The following ZFP14 variants were observed in gnomAD, a reference collection of about 807,000 sequenced individuals.
The protein encoded by ZFP14 is zinc finger protein 14 homolog.
A neutral mutation model predicts 54.5 loss-of-function variants in ZFP14; 22 were observed. The observed-to-expected ratio is 0.40, with a 90% CI of 0.29 to 0.58. The LOEUF is 0.58. ZFP14 is among the 20% of genes least tolerant of loss of function. ZFP14 has a pLI of 0.39. For missense variants in ZFP14, 470 were observed against 637.8 expected (o/e 0.74, Z 2.83); for synonymous variants, 159 against 204.0 (o/e 0.78, Z 1.88).
chr19:36,356,384 C>T (rs919337433), intron 4 of ZFP14, among the ~76,000 whole-genome samples: 8 of 151,208 alleles, frequency 5.3e-5, no homozygotes, highest in African/African-American at 1.5e-4. Flanking sequence ...GCCGAGATCC[C>T]GCCACTGCAC....
chr19:36,345,123 C>T (rs1414963314), intron 4 of ZFP14, among the ~76,000 whole-genome samples: 2 of 152,108 alleles, frequency 1.3e-5, no homozygotes, highest in South Asian at 2.1e-4. Flanking sequence ...ATTAGCTGAG[C>T]GTTTTGGCAA....
intron 2 of ZFP14, among the ~76,000 whole-genome samples, chr19:36,366,807 T>C (rs1234874118): frequency 6.6e-6 from 1 of 152,118 alleles, no homozygotes; most frequent in Non-Finnish European, 1.5e-5. Context: ...GGTTTGTATA[T>C]TTTTTTGTAT....
chr19:36,346,264 C>T lies in ZFP14; in HGVS notation c.236-4674G>A, dbSNP rs534460885. On this transcript the variant is annotated intron_variant, in intron 4 of 4. Coordinates refer to ENST00000270001, the MANE Select transcript of ZFP14 (RefSeq NM_020917.3). ...TTATGCCACTGCCTGGGTGACAGAG[C>T]GACAACCTGTCTCAAAACAAACAAA... Among the ~76,000 whole-genome samples, 9 of 151,868 alleles carry T rather than the reference C, an allele frequency of 5.9e-5. No homozygotes were observed. In the East Asian group the frequency reaches 1.7e-3, roughly 29 times the overall value.
intron 4 of ZFP14, among the ~76,000 whole-genome samples, chr19:36,347,724 A>G (rs2031444321): frequency 3.9e-5 from 6 of 152,178 alleles, no homozygotes; most frequent in Admixed American, 3.9e-4. Flanking sequence ...AGTGGCCCAG[A>G]ACATTTTATA....
chr19:36,378,485 T>A (rs1342234505), intron 1 of ZFP14: 1 of 151,330 alleles, frequency 6.6e-6, no homozygotes, highest in Non-Finnish European at 1.5e-5. Flanking sequence ...CGAGCTGATT[T>A]TCATTCCACA....
At chr19:36,343,738 C>T (rs1049700273) in intron 4 of ZFP14, among the ~76,000 whole-genome samples, 7 of 152,098 alleles carry the variant, frequency 4.6e-5, no homozygotes, top group African/African-American at 1.2e-4. Context: ...TGGTGAGAGC[C>T]TTCTTGCTGG....
intron 2 of ZFP14, among the ~76,000 whole-genome samples, chr19:36,362,597 G>T (rs2031727514): frequency 6.6e-6 from 1 of 152,136 alleles, no homozygotes; most frequent in Non-Finnish European, 1.5e-5. Context: ...CTTGAGGCCA[G>T]GTGCAGTGGC....
intron 4 of ZFP14, among the ~76,000 whole-genome samples, chr19:36,344,971 A>G (rs1351695043): frequency 6.6e-6 from 1 of 152,018 alleles, no homozygotes; most frequent in Non-Finnish European, 1.5e-5. Context: ...CACTTACTCA[A>G]ACTTTTGTTG....
In ZFP14 at chr19:36,354,037, T is replaced by C. The variant is rs1240484377; in HGVS notation, c.235+6398A>G. On this transcript the variant is annotated intron_variant, in intron 4 of 4. Coordinates refer to ENST00000270001, the MANE Select transcript of ZFP14 (RefSeq NM_020917.3). ...CTGCAGTGAGTCATGATCACACCAC[T>C]GCACTCCAGCCTGGGCAACAGAACA... 3.2e-5 allele frequency among the ~76,000 whole-genome samples: 4 copies of C among 126,022 alleles called. No homozygotes were observed. In the East Asian group the frequency reaches 7.1e-4, roughly 22 times the overall value. 82.7% of individuals were successfully genotyped at this position (126,022 alleles called of 152,430 possible). A position where few individuals can be genotyped will look rare whatever the true frequency, so the allele number is the denominator to read the frequency against.
chr19:36,363,786 T>C (rs529432828), intron 2 of ZFP14, among the ~76,000 whole-genome samples: 1 of 151,898 alleles, frequency 6.6e-6, no homozygotes, highest in Non-Finnish European at 1.5e-5. Flanking sequence ...GGTCAGGAGT[T>C]TGAGACCAAC....
intron 1 of ZFP14, among the ~76,000 whole-genome samples, chr19:36,377,443 A>G (rs1203469161): frequency 3.3e-5 from 5 of 151,514 alleles, no homozygotes; most frequent in African/African-American, 1.2e-4. Flanking sequence ...GCTACTCAAG[A>G]GGCTGAGGTG....
At chr19:36,362,067 T>A in intron 3 of ZFP14, 45 bp downstream of exon 3, 1 of 1,550,322 alleles carries the variant, frequency 6.5e-7, no homozygotes, top group South Asian at 1.2e-5. Flanking sequence ...AGTCCTGAAA[T>A]TGACAGCAGA....
rs2145538555 is a variant in ZFP14 at position 36,340,963 on chromosome 19, T to C, written c.863A>G (p.Asp288Gly). The C allele has an allele frequency of 1.9e-6, 3 of 1,614,168 alleles. No homozygotes were observed. Among genetic ancestry groups the C allele is most frequent in the East Asian group, 2.2e-5 (1 of 44,884 alleles). Residue 288 changes from aspartate to glycine, a missense_variant, in exon 5 of 5, where the codon GAC becomes GGC. Asp to Gly is a moderately conservative substitution (Grantham distance 94). Coordinates refer to ENST00000270001, the MANE Select transcript of ZFP14 (RefSeq NM_020917.3). This position sits in a 1 kb window ranked among gnomAD's most constrained non-coding sequence, Gnocchi z 5.4. ...HTGEKPYECK[D>G]CGKTFRQCTH... ...ACACTGTCTAAAGGTCTTTCCACAG[T>C]CCTTACATTCATAGGGTTTCTCACC...
rs182441399 is a variant in ZFP14, at chr19:36,375,832, C to T, written c.-80+3331G>A. Among the ~76,000 whole-genome samples the T allele has an allele frequency of 1.6e-4, 25 of 152,180 alleles. No homozygotes were observed. In the East Asian group the frequency reaches 4.5e-3, roughly 27 times the overall value. ...TCGGCCTCCCAAAGTGCTGGGATTA[C>T]AGGCGTGAGCCACCGCGCCCCGCCT... is the stretch of plus-strand genomic sequence containing the variant. On this transcript the variant is annotated intron_variant, in intron 1 of 4. Coordinates refer to ENST00000270001, the MANE Select transcript of ZFP14 (RefSeq NM_020917.3).
At chr19:36,361,970 G>A in intron 3 of ZFP14, 142 bp downstream of exon 3, 1 of 903,152 alleles carries the variant, frequency 1.1e-6, no homozygotes, top group East Asian at 3.0e-5. Context: ...TGGACATGAT[G>A]AAATGGAGAG....
At chr19:36,375,080 C>T (rs1345725565) in intron 1 of ZFP14, among the ~76,000 whole-genome samples, 1 of 152,126 alleles carries the variant, frequency 6.6e-6, no homozygotes, top group Non-Finnish European at 1.5e-5. Flanking sequence ...TGAAGGCAGC[C>T]CCATGCTGCT....
At chr19:36,357,390 C>T (rs571506752) in intron 4 of ZFP14, among the ~76,000 whole-genome samples, 14 of 152,268 alleles carry the variant, frequency 9.2e-5, no homozygotes, top group African/African-American at 2.9e-4. Context: ...GAAACCTTTG[C>T]CTACTCCCAA....
At chr19:36,376,912 C>G (rs1356928884) in intron 1 of ZFP14, among the ~76,000 whole-genome samples, 1 of 152,120 alleles carries the variant, frequency 6.6e-6, no homozygotes, top group African/African-American at 2.4e-5. Context: ...GGACTAGAAC[C>G]CCCCTACTTT....
rs917696135 is a variant in ZFP14, at chr19:36,338,229, G to T, written c.*1995C>A. 1 of 152,052 alleles carries T rather than the reference G, an allele frequency of 6.6e-6. No homozygotes were observed. The highest frequency in any genetic ancestry group is 2.4e-5 in the African/African-American group (1 of 41,420). 9.4% of individuals were successfully genotyped at this position (152,052 alleles called of 1,614,324 possible). On this transcript the variant is annotated 3_prime_UTR_variant, in exon 5 of 5. Coordinates refer to ENST00000270001, the MANE Select transcript of ZFP14 (RefSeq NM_020917.3). ...TGGTCTCAAACTCCTGGCCTCAAGT[G>T]ATCCACCCACCTTGTCCTCCCAAAG...
Sources: allele counts gnomAD v4.1 joint callset (sites outside exome capture counted in the v4.1 genomes callset), GRCh38; gene constraint gnomAD v4.1.1; non-coding constraint Gnocchi (gnomAD v3.1); transcripts MANE v1.5; gene names NCBI Gene and HGNC (gene_info 2026-07-23, HGNC 2026-07-21).